Variants in UBL7 observed in about 807,000 individuals in gnomAD.
UBL7 encodes the protein ubiquitin like 7.
Under a neutral mutation model 41.7 loss-of-function variants are expected in UBL7, and 21 were observed. That is an observed-to-expected ratio of 0.50 (90% CI 0.36 to 0.73). The LOEUF is 0.73. UBL7 is among the 30% of genes least tolerant of loss of function. UBL7 has a pLI of 0.00. For missense variants in UBL7, 403 were observed against 478.4 expected, an observed-to-expected ratio of 0.84 and a Z score of 1.47; for synonymous variants, 157 against 186.9, an observed-to-expected ratio of 0.84 and a Z score of 1.31.
At position 74,446,623 on chromosome 15, in the gene UBL7, T is replaced by C. The variant is rs2061186406; in HGVS notation, c.1006-396A>G. Among the ~76,000 whole-genome samples the C allele has an allele frequency of 6.6e-6, 1 of 152,272 alleles. No homozygotes were observed. On this transcript the variant is annotated intron_variant, in intron 10 of 10. Transcript: ENST00000395081. This position sits in a 1 kb window ranked among gnomAD's most constrained non-coding sequence, Gnocchi z 4.1. ...AGCCTTTGGACTTTGCTTCGGTTTT[T>C]TGTTTGGTTTGGTTTGCCACGCAGA...
At position 74,452,319 on chromosome 15, in the gene UBL7, T is replaced by C. The variant is rs1307118563; in HGVS notation, c.364A>G (p.Ser122Gly). ...EFRVLHTALH[S>G]SSSYREAVFK... ...ACCGCCTCCCTGTAAGAGGAGCTGC[T>C]GTGCAGGGCAGTGTGCAACACCCGG... Residue 122 changes from serine (S) to glycine (G), a missense_variant, in exon 4 of 11, where the codon AGC becomes GGC. Ser to Gly is a moderately conservative substitution (Grantham distance 56, BLOSUM62 0). Coordinates refer to ENST00000395081, the MANE Select transcript of UBL7 (RefSeq NM_032907.5). The C allele has an allele frequency of 6.4e-7, 1 of 1,559,650 alleles. No homozygotes were observed. Among genetic ancestry groups the C allele is most frequent in the South Asian group, 1.2e-5 (1 of 84,734 alleles).
chr15:74,452,259 C>A (rs2061255171), intron 4 of UBL7, 37 bp downstream of exon 4: 1 of 1,544,224 alleles, frequency 6.5e-7, no homozygotes, highest in African/African-American at 1.4e-5. Flanking sequence ...CACACCCTCT[C>A]CTACAGTCCT....
rs374255635 is a variant in UBL7, at chr15:74,456,722, T to C, written c.185-51A>G. On this transcript the variant is annotated intron_variant, in intron 2 of 10. Transcript: ENST00000395081. ...TTTTGCTCCTCAAAACAAATTTACATGGTTTTTGTCCCGAGAACCTTATTT... is the reference window on the plus strand; with the variant it reads ...TTTTGCTCCTCAAAACAAATTTACACGGTTTTTGTCCCGAGAACCTTATTT... The C allele has an allele frequency of 3.8e-6, 6 of 1,588,702 alleles. No individual in the cohort carries two copies. In the African/African-American group the frequency reaches 6.7e-5, roughly 18 times the overall value.
At chr15:74,454,955 T>C (rs1469894273) in intron 3 of UBL7, among the ~76,000 whole-genome samples, 1 of 152,182 alleles carries the variant, frequency 6.6e-6, no homozygotes, top group South Asian at 2.1e-4. Flanking sequence ...AATGCTCATG[T>C]TTTTGTGTTT....
intron 10 of UBL7, among the ~76,000 whole-genome samples, chr15:74,447,589 C>A (rs1170549914): frequency 6.6e-6 from 1 of 152,128 alleles, no homozygotes; most frequent in Non-Finnish European, 1.5e-5. Flanking sequence ...TACCTGTAGT[C>A]CCAGCTACCC....
intron 8 of UBL7, 103 bp downstream of exon 8, chr15:74,449,523 T>A (rs2061220744): frequency 1.3e-6 from 2 of 1,583,304 alleles, no homozygotes; most frequent in Non-Finnish European, 1.7e-6. Flanking sequence ...ATGGCGTATG[T>A]CCATCTCCCA....
At position 74,446,015 on chromosome 15, in the gene UBL7, G is replaced by A; in HGVS notation, c.*75C>T. ...CAGGTATATTGGGGAAGGGAGAGAT[G>A]GAGGCACCTTCATGAGTGCCTCCCA... is the stretch of plus-strand genomic sequence containing the variant. On this transcript the variant is annotated 3_prime_UTR_variant, in exon 11 of 11. Transcript: ENST00000395081. The surrounding 1 kb of genome is among the most constrained non-coding windows in gnomAD (Gnocchi z 4.1). The A allele has an allele frequency of 6.4e-7, 1 of 1,562,796 alleles. No individual in the cohort carries two copies.
At chr15:74,450,163 C>G in intron 6 of UBL7, 94 bp from the exon 7 acceptor site, 1 of 1,371,420 alleles carries the variant, frequency 7.3e-7, no homozygotes, top group Non-Finnish European at 9.7e-7. Flanking sequence ...AACAATGCAG[C>G]CACCTGTGCC....
chr15:74,449,088 G>T, intron 9 of UBL7, 98 bp downstream of exon 9: 1 of 1,404,328 alleles, frequency 7.1e-7, no homozygotes, highest in Non-Finnish European at 9.5e-7. Context: ...GCTTAAACTA[G>T]ATCTAGCACC....
intron 2 of UBL7, among the ~76,000 whole-genome samples, chr15:74,457,941 T>C (rs1315044465): frequency 3.9e-5 from 6 of 152,310 alleles, no homozygotes; most frequent in Non-Finnish European, 7.3e-5. Flanking sequence ...AATTTAATTA[T>C]ATTTAAATTC....
chr15:74,451,324 C>T, intron 5 of UBL7, 112 bp downstream of exon 5: 1 of 986,098 alleles, frequency 1.0e-6, no homozygotes, highest in Non-Finnish European at 1.6e-6. Flanking sequence ...CCTCTTCCCA[C>T]AAGACCAGTC....
chr15:74,453,538 G>A (rs550135378), intron 3 of UBL7, among the ~76,000 whole-genome samples: 1 of 152,156 alleles, frequency 6.6e-6, no homozygotes, highest in Non-Finnish European at 1.5e-5. Context: ...GGGGGTGAAG[G>A]TATTCCAAGC....
intron 4 of UBL7, 93 bp downstream of exon 4, chr15:74,452,203 C>T: frequency 2.2e-6 from 3 of 1,357,274 alleles, no homozygotes; most frequent in Non-Finnish European, 2.0e-6. Context: ...GTTGCCATGG[C>T]AACGGGCTTC....
chr15:74,452,332 G>A lies in UBL7; in HGVS notation c.351C>T (p.His117=), dbSNP rs149603383. Residue 117 remains histidine, a synonymous_variant, in exon 4 of 11, where the codon CAC becomes CAT. Coordinates refer to ENST00000395081, the MANE Select transcript of UBL7 (RefSeq NM_032907.5). ...VAAMREFRVL[H]TALHSSSSYR... ...AAGAGGAGCTGCTGTGCAGGGCAGTGTGCAACACCCGGAACTCTCTCATGG... is the reference window on the plus strand; with the variant it reads ...AAGAGGAGCTGCTGTGCAGGGCAGTATGCAACACCCGGAACTCTCTCATGG... 1.3e-5 allele frequency: 20 copies of A among 1,561,194 alleles called. No homozygotes were observed. In the African/African-American group the frequency reaches 2.6e-4, roughly 20 times the overall value.
At chr15:74,458,266 T>C (rs1032644429) in intron 2 of UBL7, among the ~76,000 whole-genome samples, 2 of 152,040 alleles carry the variant, frequency 1.3e-5, no homozygotes, top group South Asian at 2.1e-4. Context: ...CCCATGTCTC[T>C]ACTAAAAATA....
rs981943061 is a variant in UBL7 at position 74,452,205 on chromosome 15, A to T, written c.387+91T>A. 6.0e-5 allele frequency: 83 copies of T among 1,374,422 alleles called. No individual in the cohort carries two copies. In the African/African-American group the frequency reaches 9.5e-4, roughly 16 times the overall value. The allele number at this position is 1,374,422 out of a possible 1,614,324, so 85.1% of individuals were successfully genotyped here. Reference sequence around the variant, plus strand: ...CAAGGAACTCTTGGTTGCCATGGCAACGGGCTTCCAGCTCCCACTCCACAC... The same window carrying T: ...CAAGGAACTCTTGGTTGCCATGGCATCGGGCTTCCAGCTCCCACTCCACAC... On this transcript the variant is annotated intron_variant, in intron 4 of 10. Coordinates refer to ENST00000395081, the MANE Select transcript of UBL7 (RefSeq NM_032907.5).
chr15:74,452,286 A>C lies in UBL7; in HGVS notation c.387+10T>G. 1 of 1,553,380 alleles carries C rather than the reference A, an allele frequency of 6.4e-7. No homozygotes were observed. On this transcript the variant is annotated intron_variant, in intron 4 of 10. Coordinates refer to ENST00000395081, the MANE Select transcript of UBL7 (RefSeq NM_032907.5). ...TACAGTCCTGGCTGGGGGCCGCAGC[A>C]CACACTCACCGCCTCCCTGTAAGAG...
At chr15:74,458,622 A>G (rs2061315856) in intron 2 of UBL7, 62 bp downstream of exon 2, 1 of 1,447,248 alleles carries the variant, frequency 6.9e-7, no homozygotes, top group Non-Finnish European at 9.5e-7. Context: ...TTGTAATTCC[A>G]GAAGTATCCT....
intron 3 of UBL7, 74 bp downstream of exon 3, chr15:74,456,478 C>A: frequency 1.3e-6 from 2 of 1,582,566 alleles, no homozygotes; most frequent in Non-Finnish European, 8.6e-7. Context: ...AGGCTTGTGC[C>A]TCAAGAACAC....
Sources: allele counts gnomAD v4.1 joint callset (sites outside exome capture counted in the v4.1 genomes callset), GRCh38; gene constraint gnomAD v4.1.1; non-coding constraint Gnocchi (gnomAD v3.1); transcripts MANE v1.5; gene names NCBI Gene and HGNC (gene_info 2026-07-23, HGNC 2026-07-21).